The following CNBD1 variants were observed in gnomAD, a reference collection of about 807,000 sequenced individuals.
CNBD1 encodes the protein cyclic nucleotide binding domain containing 1, also known as cyclic nucleotide-binding domain-containing protein 1.
A neutral mutation model predicts 54.4 loss-of-function variants in CNBD1; 71 were observed. The observed-to-expected ratio is 1.30, with a 90% CI of 1.08 to 1.59. The LOEUF (loss-of-function observed/expected upper bound fraction) is 1.59, where lower values mean the gene tolerates loss of function less well. Among genes scored for constraint, CNBD1 ranks in the 40% most tolerant of loss-of-function variants. The pLI is 0.00. For missense variants in CNBD1, 659 were observed against 518.0 expected, an observed-to-expected ratio of 1.27 and a Z score of -2.64; for synonymous variants, 182 against 170.7, an observed-to-expected ratio of 1.07 and a Z score of -0.51.
intron 1 of CNBD1, among the ~76,000 whole-genome samples, chr8:86,881,623 C>T (rs1000453161): frequency 2.6e-5 from 4 of 152,116 alleles, no homozygotes; most frequent in Non-Finnish European, 4.4e-5. Flanking sequence ...ATGCTATTGC[C>T]ATTAAACTGC....
At chr8:87,085,200 A>G (rs1246866037) in intron 4 of CNBD1, among the ~76,000 whole-genome samples, 2 of 152,160 alleles carry the variant, frequency 1.3e-5, no homozygotes, top group Non-Finnish European at 2.9e-5. Flanking sequence ...ATCCCATCAA[A>G]GGCATTCTTC....
In CNBD1 at chr8:87,362,262, T is replaced by G. The variant is rs28366510; in HGVS notation, c.1303+8476T>G. Among the ~76,000 whole-genome samples, 6 of 152,062 alleles carry G rather than the reference T, an allele frequency of 3.9e-5. No individual in the cohort carries two copies. In the South Asian group the frequency reaches 1.2e-3, roughly 31 times the overall value. Reference sequence around the variant, plus strand: ...ATTAGAAACAAGGGCACAGTCTCCCTCTTTCAGTCATTAAAATCATATTGC... The same window carrying G: ...ATTAGAAACAAGGGCACAGTCTCCCGCTTTCAGTCATTAAAATCATATTGC... On this transcript the variant is annotated intron_variant, in intron 10 of 10. Coordinates refer to ENST00000518476, the MANE Select transcript of CNBD1 (RefSeq NM_173538.3).
chr8:87,078,367 A>AT (rs1358337746), intron 4 of CNBD1, among the ~76,000 whole-genome samples: 1 of 152,224 alleles, frequency 6.6e-6, no homozygotes. Flanking sequence ...AGCTGTGTGA[A>AT]TGTTGCTAGT....
At chr8:87,078,735 AAG>A (rs1416734605) in intron 4 of CNBD1, among the ~76,000 whole-genome samples, 1 of 152,210 alleles carries the variant, frequency 6.6e-6, no homozygotes, top group African/African-American at 2.4e-5. Context: ...TAGTATTAAA[AAG>A]AGCTGTAACT....
At chr8:87,401,099 C>A (rs1435355340) in intron 2 of CNBD1, among the ~76,000 whole-genome samples, 1 of 151,946 alleles carries the variant, frequency 6.6e-6, no homozygotes, top group Non-Finnish European at 1.5e-5. Flanking sequence ...TGCAGTGAGG[C>A]AACAAAAATT....
intron 4 of CNBD1, among the ~76,000 whole-genome samples, chr8:87,052,751 GGTTTGGATTAGAAGAACATAAC>G (rs1253317514): frequency 1.3e-5 from 2 of 152,084 alleles, no homozygotes; most frequent in Non-Finnish European, 2.9e-5. Context: ...CAGCAGTCAG[GGTTTGGATTAGAAGAACATAAC>G]ATCTCTCCAT....
At chr8:87,332,350 G>GA (rs34418577) in intron 8 of CNBD1, among the ~76,000 whole-genome samples, 1,925 of 116,338 alleles carry the variant, frequency 0.017, 26 homozygotes, top group African/African-American at 0.042. Flanking sequence ...TCTGTCTAAA[G>GA]AAAAAAAAAA....
intron 6 of CNBD1, among the ~76,000 whole-genome samples, chr8:87,275,466 A>G (rs1356572991): frequency 2.0e-5 from 3 of 152,024 alleles, no homozygotes; most frequent in African/African-American, 7.2e-5. Flanking sequence ...AGTGGTTTGT[A>G]GTTCTCCTTG....
chr8:87,223,913 G>A (rs539484119), intron 5 of CNBD1, among the ~76,000 whole-genome samples: 3 of 152,268 alleles, frequency 2.0e-5, no homozygotes, highest in Admixed American at 6.5e-5. Flanking sequence ...GTTGCTTCCT[G>A]ACTTTTTAAT....
chr8:87,393,320 C>G (rs998479558), intron 2 of CNBD1, among the ~76,000 whole-genome samples: 2 of 151,858 alleles, frequency 1.3e-5, no homozygotes, highest in African/African-American at 4.8e-5. Flanking sequence ...TGATAATATT[C>G]TCCCTCCAGA....
At chr8:87,048,156 G>A (rs1586221497) in intron 4 of CNBD1, among the ~76,000 whole-genome samples, 1 of 152,078 alleles carries the variant, frequency 6.6e-6, no homozygotes, top group Non-Finnish European at 1.5e-5. Flanking sequence ...GGAAAGAGAG[G>A]GAAGAGTCTT....
At chr8:86,957,754 A>C (rs1332267156) in intron 4 of CNBD1, among the ~76,000 whole-genome samples, 2 of 151,786 alleles carry the variant, frequency 1.3e-5, no homozygotes, top group African/African-American at 2.4e-5. Context: ...CAGTCTATCA[A>C]TTTTGTTGAT....
intron 4 of CNBD1, among the ~76,000 whole-genome samples, chr8:87,137,876 C>T (rs2130735122): frequency 6.6e-6 from 1 of 152,184 alleles, no homozygotes; most frequent in East Asian, 1.9e-4. Flanking sequence ...GTGTGTCTTC[C>T]ATGAGGTAGT....
In CNBD1 at chr8:87,286,544, A is replaced by T; in HGVS notation, c.915A>T (p.Lys305Asn). The T allele has an allele frequency of 7.0e-7, 1 of 1,424,502 alleles. No homozygotes were observed. Among genetic ancestry groups the T allele is most frequent in the Non-Finnish European group, 9.6e-7 (1 of 1,037,150 alleles). 88.2% of individuals were successfully genotyped at this position (1,424,502 alleles called of 1,614,324 possible). A position where few individuals can be genotyped will look rare whatever the true frequency, so the allele number is the denominator to read the frequency against. The change falls in exon 8 of 11, where the codon AAA (lysine) becomes AAT (asparagine). Residue 305 changes from lysine to asparagine, a missense_variant. By Grantham distance (94) the Lys-to-Asn change is moderately conservative. Transcript: ENST00000518476. ...AKGYAKIKEE[K>N]IKLENMQKLK... ...ATAATGACATTCTGTTTTAGGAAAAAATAAAACTTGAAAATATGCAAAAGT... is the reference window on the plus strand; with the variant it reads ...ATAATGACATTCTGTTTTAGGAAAATATAAAACTTGAAAATATGCAAAAGT...
At chr8:87,151,178 T>A (rs138836287) in intron 4 of CNBD1, among the ~76,000 whole-genome samples, 2 of 152,262 alleles carry the variant, frequency 1.3e-5, no homozygotes, top group African/African-American at 4.8e-5. Flanking sequence ...ACACCATCAT[T>A]AAGATGTCAT....
At chr8:87,086,620 A>T (rs1472029544) in intron 4 of CNBD1, among the ~76,000 whole-genome samples, 1 of 152,210 alleles carries the variant, frequency 6.6e-6, no homozygotes, top group Non-Finnish European at 1.5e-5. Flanking sequence ...AGCAATGTGA[A>T]TATTATAAAC....
intron 2 of CNBD1, among the ~76,000 whole-genome samples, chr8:87,425,399 T>C (rs549075055): frequency 1.3e-3 from 192 of 152,268 alleles, no homozygotes; most frequent in Non-Finnish European, 2.2e-3. Context: ...GGCGCTCTGA[T>C]TTTTAGAGTT....
At chr8:87,344,780 C>T (rs2130922453) in intron 8 of CNBD1, among the ~76,000 whole-genome samples, 1 of 152,204 alleles carries the variant, frequency 6.6e-6, no homozygotes, top group African/African-American at 2.4e-5. Flanking sequence ...CATGTACTTC[C>T]TTTGACCAGT....
At chr8:87,234,841 T>C (rs1376694553) in intron 5 of CNBD1, among the ~76,000 whole-genome samples, 1 of 152,152 alleles carries the variant, frequency 6.6e-6, no homozygotes, top group Admixed American at 6.6e-5. Context: ...AGGAATTGAC[T>C]TCTTCTCTCT....
Sources: gnomAD v4.1 joint callset for allele counts (sites outside exome capture counted in the v4.1 genomes callset) on GRCh38, gnomAD v4.1.1 for gene constraint, MANE v1.5 for transcripts, NCBI Gene and HGNC (gene_info 2026-07-23, HGNC 2026-07-21) for gene names.